The following SARS1 variants were observed in gnomAD, a reference collection of about 807,000 sequenced individuals.
SARS1 encodes seryl-tRNA synthetase 1.
A neutral mutation model predicts 63.7 loss-of-function variants in SARS1; 25 were observed. The observed-to-expected ratio is 0.39, with a 90% CI of 0.29 to 0.55. SARS1 has a LOEUF of 0.55. Among genes scored for constraint, SARS1 ranks in the 20% least tolerant of loss-of-function variants. The pLI is 0.62. For synonymous variants in SARS1, 231 were observed against 243.5 expected, an observed-to-expected ratio of 0.95 and a Z score of 0.48; for missense variants, 417 against 649.7, an observed-to-expected ratio of 0.64 and a Z score of 3.89.
rs1350566016 is a variant in SARS1, at chr1:109,236,033, A to C, written c.1026A>C (p.Glu342Asp). 1 of 1,613,490 alleles carries C rather than the reference A, an allele frequency of 6.2e-7. No individual in the cohort carries two copies. Among genetic ancestry groups the C allele is most frequent in the Admixed American group, 1.7e-5 (1 of 60,002 alleles). The change falls in exon 8 of 11, where the codon GAA (glutamate) becomes GAC (aspartate). Residue 342 changes from glutamate to aspartate, a missense_variant. By Grantham distance (45) the Glu-to-Asp change is conservative (BLOSUM62 2). This residue lies in a region of SARS1 where 359 missense variants were observed against 529.6 expected (regional missense o/e 0.68). Transcript: ENST00000234677. ...PHDNKSWEMF[E>D]EMITTAEEFY... ...ACAACAAGTCATGGGAGATGTTTGA[A>C]GAGATGATTACCACCGCAGAGGAGT...
In SARS1 at chr1:109,229,513, G is replaced by A. The variant is rs1195644466; in HGVS notation, c.388G>A (p.Glu130Lys). ...GATAAAGTTGGAAGCAGAGCGGTTTGAGAACCTCCGAGAGATTGGGAACCT... is the reference window on the plus strand; with the variant it reads ...GATAAAGTTGGAAGCAGAGCGGTTTAAGAACCTCCGAGAGATTGGGAACCT... ...ERIKLEAERFENLREIGNLLH... is the reference protein window; with the variant it reads ...ERIKLEAERFKNLREIGNLLH... Residue 130 changes from glutamate (E) to lysine (K), a missense_variant, in exon 4 of 11, where the codon GAG (glutamate) becomes AAG (lysine). Glu to Lys is a moderately conservative substitution (Grantham distance 56). Coordinates refer to ENST00000234677, the MANE Select transcript of SARS1 (RefSeq NM_006513.4). 6.2e-7 allele frequency: 1 copy of A among 1,614,212 alleles called. No individual in the cohort carries two copies. The highest frequency in any genetic ancestry group is 1.3e-5 in the African/African-American group (1 of 75,062).
intron 2 of SARS1, among the ~76,000 whole-genome samples, chr1:109,227,427 G>A (rs1286011464): frequency 2.0e-5 from 3 of 152,214 alleles, no homozygotes; most frequent in Non-Finnish European, 2.9e-5. Context: ...TAGAGAGAAC[G>A]AAATCCAACC....
At chr1:109,236,947 T>C in intron 9 of SARS1, 1 of 1,514,244 alleles carries the variant, frequency 6.6e-7, no homozygotes, top group Non-Finnish European at 8.8e-7. Flanking sequence ...TTGAAAGGGG[T>C]GAAAAGGAAA....
Position 109,235,340 on chromosome 1 carries a change from A to T in SARS1, c.878A>T (p.Lys293Met). 1 of 1,614,044 alleles carries T rather than the reference A, an allele frequency of 6.2e-7. No individual in the cohort carries two copies. Among genetic ancestry groups the T allele is most frequent in the Non-Finnish European group, 8.5e-7 (1 of 1,180,012 alleles). ...CTCCGGCCGGAGGACCTGCCCATCAAGTATGCTGGCCTGTCTACCTGCTTC... is the reference window on the plus strand; with the variant it reads ...CTCCGGCCGGAGGACCTGCCCATCATGTATGCTGGCCTGTCTACCTGCTTC... ...EWLRPEDLPI[K>M]YAGLSTCFRQ... Residue 293 changes from lysine to methionine, a missense_variant, in exon 7 of 11, where the codon AAG becomes ATG. Lys to Met is a moderately conservative substitution (Grantham distance 95). This residue lies in a region of SARS1 where 359 missense variants were observed against 529.6 expected (regional missense o/e 0.68). Transcript: ENST00000234677. The surrounding 1 kb of genome is among the most constrained non-coding windows in gnomAD (Gnocchi z 4.7).
chr1:109,229,802 AG>A (rs1655170359), intron 4 of SARS1, among the ~76,000 whole-genome samples: 1 of 152,166 alleles, frequency 6.6e-6, no homozygotes, highest in Non-Finnish European at 1.5e-5. Flanking sequence ...TCTTCTAAAT[AG>A]GGCTGCTGTC....
intron 2 of SARS1, among the ~76,000 whole-genome samples, chr1:109,227,240 A>G (rs1375688627): frequency 6.6e-6 from 1 of 152,080 alleles, no homozygotes; most frequent in Non-Finnish European, 1.5e-5. Context: ...TGATCCACCC[A>G]CCTCAGCCTC....
chr1:109,228,827 C>G (rs1199475315), intron 3 of SARS1, among the ~76,000 whole-genome samples: 1 of 152,150 alleles, frequency 6.6e-6, no homozygotes, highest in African/African-American at 2.4e-5. Context: ...TCTTGAAACC[C>G]TTAACATATA....
Position 109,235,525 on chromosome 1 carries a change from G to C in SARS1, c.969+94G>C. ...ATCTGTGTTGCTGAGGCCCATCCTG[G>C]CTCCAGCTTTTCCTCTCATTGCTTA... On this transcript the variant is annotated intron_variant, in intron 7 of 10. Transcript: ENST00000234677. The surrounding 1 kb of genome is among the most constrained non-coding windows in gnomAD (Gnocchi z 4.7). The C allele has an allele frequency of 9.8e-7, 1 of 1,022,190 alleles. No homozygotes were observed. Among genetic ancestry groups the C allele is most frequent in the South Asian group, 1.5e-5 (1 of 66,574 alleles). 63.3% of individuals were successfully genotyped at this position (1,022,190 alleles called of 1,614,324 possible).
At chr1:109,231,832 A>C (rs753595583) in intron 6 of SARS1, 46 bp downstream of exon 6, 4 of 1,416,202 alleles carry the variant, frequency 2.8e-6, no homozygotes, top group Middle Eastern at 3.9e-4. Context: ...TAAGTTATGT[A>C]GCTTAACTTC....
chr1:109,229,271 C>A, intron 3 of SARS1, 143 bp from the exon 4 acceptor site: 1 of 787,740 alleles, frequency 1.3e-6, no homozygotes, highest in Non-Finnish European at 2.1e-6. Flanking sequence ...AATCTCAGTT[C>A]TTAAAAGTCT....
intron 5 of SARS1, 47 bp from the exon 6 acceptor site, chr1:109,231,584 A>G (rs376738623): frequency 2.3e-5 from 31 of 1,356,192 alleles, no homozygotes; most frequent in Middle Eastern, 2.8e-4. Context: ...GCTGAACATG[A>G]TGGTGACAAG....
intron 2 of SARS1, among the ~76,000 whole-genome samples, chr1:109,225,785 T>A (rs1655051490): frequency 6.6e-6 from 1 of 152,192 alleles, no homozygotes; most frequent in Admixed American, 6.5e-5. Context: ...ATATTCTAAC[T>A]TAGTTGCAGA....
chr1:109,237,412 T>G lies in SARS1; in HGVS notation c.1387+39T>G. The stretch of plus-strand genomic sequence containing the variant: ...CTCATCTCATCGTTCTCCTCTTTTC[T>G]GTCTTCACACTCTTCTAAATAGCAG... On this transcript the variant is annotated intron_variant, in intron 10 of 10. Transcript: ENST00000234677. The surrounding 1 kb of genome is among the most constrained non-coding windows in gnomAD (Gnocchi z 4.1). 1 of 1,613,928 alleles carries G rather than the reference T, an allele frequency of 6.2e-7. No individual in the cohort carries two copies. Among genetic ancestry groups the G allele is most frequent in the East Asian group, 2.2e-5 (1 of 44,890 alleles).
At chr1:109,216,668 T>A in intron 1 of SARS1, 1 of 839,680 alleles carries the variant, frequency 1.2e-6, no homozygotes, top group Non-Finnish European at 1.4e-6. Flanking sequence ...AAGGTCTCAC[T>A]GTGTCACCCA....
chr1:109,236,760 T>C, intron 9 of SARS1: 1 of 1,557,382 alleles, frequency 6.4e-7, no homozygotes, highest in Non-Finnish European at 8.7e-7. Flanking sequence ...TTCTATAAGG[T>C]AATTCTAGCT....
At chr1:109,229,621 C>T in intron 4 of SARS1, 49 bp downstream of exon 4, 1 of 1,580,816 alleles carries the variant, frequency 6.3e-7, no homozygotes, top group Non-Finnish European at 8.6e-7. Context: ...GCTGCTGTCT[C>T]TGCAGGGGCG....
chr1:109,235,329 C>T lies in SARS1; in HGVS notation c.867C>T (p.Asp289=). 1 of 1,614,110 alleles carries T rather than the reference C, an allele frequency of 6.2e-7. No homozygotes were observed. The highest frequency in any genetic ancestry group is 8.5e-7 in the Non-Finnish European group (1 of 1,180,012). ...LHRDEWLRPE[D]LPIKYAGLST... is the part of the protein sequence containing the mutation. Reference sequence around the variant, plus strand: ...GGGATGAGTGGCTCCGGCCGGAGGACCTGCCCATCAAGTATGCTGGCCTGT... The same window carrying T: ...GGGATGAGTGGCTCCGGCCGGAGGATCTGCCCATCAAGTATGCTGGCCTGT... The change falls in exon 7 of 11, where the codon GAC becomes GAT. Residue 289 remains aspartate (D), a synonymous_variant. Transcript: ENST00000234677. This position sits in a 1 kb window ranked among gnomAD's most constrained non-coding sequence, Gnocchi z 4.7.
intron 6 of SARS1, among the ~76,000 whole-genome samples, chr1:109,233,171 T>TAA (rs1426757358): frequency 2.0e-5 from 3 of 152,190 alleles, no homozygotes; most frequent in Non-Finnish European, 4.4e-5. Flanking sequence ...TTTAATTTTT[T>TAA]TTTTTTAATT....
At chr1:109,222,559 GT>G (rs1218348467) in intron 1 of SARS1, among the ~76,000 whole-genome samples, 1 of 152,110 alleles carries the variant, frequency 6.6e-6, no homozygotes, top group Non-Finnish European at 1.5e-5. Context: ...CATCTCTATA[GT>G]TTTATCAATG....
Sources: gnomAD v4.1 joint callset for allele counts (sites outside exome capture counted in the v4.1 genomes callset) on GRCh38, gnomAD v4.1.1 for gene constraint, gnomAD v4.1.1 regional missense constraint, Gnocchi (gnomAD v3.1) non-coding constraint, MANE v1.5 for transcripts, NCBI Gene and HGNC (gene_info 2026-07-23, HGNC 2026-07-21) for gene names.